IRAG2: variants seen among roughly 807,000 people sequenced by gnomAD.
IRAG2 encodes lymphoid restricted membrane protein.
Under a neutral mutation model 69.9 loss-of-function variants are expected in IRAG2, and 45 were observed. That is an observed-to-expected ratio of 0.64 (90% CI 0.51 to 0.83). IRAG2 has a LOEUF of 0.83. IRAG2 is among the 40% of genes least tolerant of loss of function. The probability of loss-of-function intolerance (pLI) is 0.00; values close to 1 mark genes in which losing one functional copy is unlikely to be tolerated. For synonymous variants in IRAG2, 193 were observed against 202.4 expected (o/e 0.95, Z 0.40); for missense variants, 520 against 587.0 (o/e 0.89, Z 1.18).
chr12:25,103,982 C>CT, intron 18 of IRAG2, 27 bp from the exon 19 acceptor site: 1 of 1,609,780 alleles, frequency 6.2e-7, no homozygotes, highest in Non-Finnish European at 8.5e-7. Context: ...TTTATCATTT[C>CT]TTTTAACATT....
intron 6 of IRAG2, chr12:25,076,524 T>C: frequency 1.0e-6 from 1 of 985,020 alleles, no homozygotes; most frequent in Non-Finnish European, 1.2e-6. Flanking sequence ...TTTGAAAAGG[T>C]TTGCAGAAAT....
chr12:25,022,308 A>G (rs918236055), intron 7 of IRAG2, among the ~76,000 whole-genome samples: 13 of 152,178 alleles, frequency 8.5e-5, no homozygotes, highest in African/African-American at 3.1e-4. Flanking sequence ...AGCTTGGCCA[A>G]CATGGTGAAA....
intron 6 of IRAG2, among the ~76,000 whole-genome samples, chr12:25,074,496 C>T (rs1486050661): frequency 6.6e-6 from 1 of 152,126 alleles, no homozygotes; most frequent in Non-Finnish European, 1.5e-5. Flanking sequence ...CATGTCTCTG[C>T]AGTTCTTTTG....
chr12:25,089,940 C>T (rs747945369), intron 13 of IRAG2, 117 bp from the exon 14 acceptor site: 97 of 1,292,794 alleles, frequency 7.5e-5, no homozygotes, highest in Non-Finnish European at 8.0e-5. Flanking sequence ...TGCATGTCAG[C>T]ATTATGTTGC....
chr12:25,086,684 G>A (rs1379404780), intron 10 of IRAG2, among the ~76,000 whole-genome samples: 1 of 152,090 alleles, frequency 6.6e-6, no homozygotes, highest in Admixed American at 6.5e-5. Context: ...CATCAGAACA[G>A]GGAAATCAAG....
intron 7 of IRAG2, chr12:25,021,089 T>TTA: frequency 3.5e-6 from 1 of 288,148 alleles, no homozygotes; most frequent in Non-Finnish European, 6.1e-6. Flanking sequence ...TTTCTTTCTT[T>TTA]TCTTTTTTTT....
intron 6 of IRAG2, among the ~76,000 whole-genome samples, chr12:25,070,227 C>G (rs1946249354): frequency 6.6e-6 from 1 of 152,146 alleles, no homozygotes; most frequent in South Asian, 2.1e-4. Context: ...ACTTTGATCA[C>G]CCCAGAAATA....
Position 25,026,061 on chromosome 12 carries a change from T to C in IRAG2, c.1384-728T>C, listed in dbSNP as rs566321488. 2.5e-4 allele frequency among the ~76,000 whole-genome samples: 38 copies of C among 152,326 alleles called. 2 individuals carry two copies. The highest frequency in any genetic ancestry group is 8.4e-4 in the African/African-American group (35 of 41,586). On this transcript the variant is annotated intron_variant, in intron 8 of 38. Transcript: ENST00000636465. Reference sequence around the variant, plus strand: ...TGTGAAAGCAGTCATAGACAGTATGTACCTGAATGGGCACAGCTGTGCTCT... The same window carrying C: ...TGTGAAAGCAGTCATAGACAGTATGCACCTGAATGGGCACAGCTGTGCTCT...
chr12:25,087,406 G>A (rs1947701489), intron 10 of IRAG2, among the ~76,000 whole-genome samples: 1 of 151,960 alleles, frequency 6.6e-6, no homozygotes, highest in South Asian at 2.1e-4. Flanking sequence ...GACCTCAGGT[G>A]ATCCACCCAC....
intron 9 of IRAG2, among the ~76,000 whole-genome samples, chr12:25,027,178 C>T (rs1436960246): frequency 6.6e-6 from 1 of 151,976 alleles, no homozygotes. Flanking sequence ...TTCTCATCAC[C>T]CTGAAAGAAA....
intron 14 of IRAG2, chr12:25,093,343 C>G (rs1460973574): frequency 6.5e-6 from 1 of 153,426 alleles, no homozygotes. Context: ...GATGGCTGGG[C>G]ATTAATGGGT....
rs1220229786 is a variant in IRAG2 at position 25,077,220 on chromosome 12, A to AATATATATGATATATATGAAAT, written c.25-2007_25-2006insGAAATATATATATGATATATAT. On this transcript the variant is annotated intron_variant, in intron 6 of 21. Coordinates refer to ENST00000556887, the MANE Select transcript of IRAG2 (RefSeq NM_001366544.2). Reference sequence around the variant, plus strand: ...TGAAATATATATATGATATATATGAAATATATATGATATATATATGAAATA... The same window carrying AATATATATGATATATATGAAAT: ...TGAAATATATATATGATATATATGAAATATATATGATATATATGAAATATATATATGATATATATATGAAATA... 6.8e-4 allele frequency among the ~76,000 whole-genome samples: 25 copies of AATATATATGATATATATGAAAT among 36,712 alleles called. 1 individual carries two copies. The highest frequency in any genetic ancestry group is 2.5e-3 in the African/African-American group (23 of 9,136). 24.1% of individuals were successfully genotyped at this position (36,712 alleles called of 152,430 possible). A position where few individuals can be genotyped will look rare whatever the true frequency, so the allele number is the denominator to read the frequency against.
At chr12:25,030,795 G>A (rs1944662743) in intron 10 of IRAG2, among the ~76,000 whole-genome samples, 1 of 152,206 alleles carries the variant, frequency 6.6e-6, no homozygotes, top group Non-Finnish European at 1.5e-5. Flanking sequence ...ATCCACACGT[G>A]ACAAATATTA....
intron 13 of IRAG2, among the ~76,000 whole-genome samples, chr12:25,035,069 C>T (rs1052427823): frequency 5.9e-5 from 9 of 152,110 alleles, no homozygotes; most frequent in African/African-American, 1.9e-4. Context: ...GGTTATCAGC[C>T]GGCAAAGTTC....
upstream of IRAG2, among the ~76,000 whole-genome samples, chr12:25,002,018 C>A (rs1944395443): frequency 6.6e-6 from 1 of 152,108 alleles, no homozygotes; most frequent in Non-Finnish European, 1.5e-5. Context: ...ATCCACCCGC[C>A]TCAGCCCCCA....
intron 16 of IRAG2, among the ~76,000 whole-genome samples, chr12:25,044,914 G>A (rs1944780235): frequency 6.6e-6 from 1 of 152,028 alleles, no homozygotes; most frequent in African/African-American, 2.4e-5. Flanking sequence ...AGAGTAAATG[G>A]ACCTAACACA....
At chr12:25,094,707 G>A (rs1948304325) in intron 14 of IRAG2, among the ~76,000 whole-genome samples, 1 of 136,116 alleles carries the variant, frequency 7.3e-6, no homozygotes, top group African/African-American at 2.7e-5. Context: ...CATGAACACA[G>A]GGTGTCTTTC....
chr12:25,010,962 ACTTC>A (rs1944470034), intron 2 of IRAG2, among the ~76,000 whole-genome samples: 1 of 152,234 alleles, frequency 6.6e-6, no homozygotes, highest in Non-Finnish European at 1.5e-5. Context: ...AGAGAAAAAA[ACTTC>A]CTTCATTGAA....
intron 9 of IRAG2, among the ~76,000 whole-genome samples, chr12:25,081,588 A>G (rs1191139339): frequency 6.6e-6 from 1 of 152,242 alleles, no homozygotes; most frequent in Non-Finnish European, 1.5e-5. Context: ...TCTAATATCT[A>G]TCAAAATGTT....
Sources: gnomAD v4.1 joint callset for allele counts (sites outside exome capture counted in the v4.1 genomes callset) on GRCh38, gnomAD v4.1.1 for gene constraint, MANE v1.5 for transcripts, NCBI Gene and HGNC (gene_info 2026-07-23, HGNC 2026-07-21) for gene names.